DCAF6: variants seen among roughly 807,000 people sequenced by gnomAD.
The protein encoded by DCAF6 is DDB1 and CUL4 associated factor 6, also known as DDB1- and CUL4-associated factor 6.
In DCAF6, 54 loss-of-function variants were observed where a neutral mutation model predicts 125.1. That is an observed-to-expected ratio of 0.43 (90% CI 0.35 to 0.54). The LOEUF (loss-of-function observed/expected upper bound fraction) is 0.54, where lower values mean the gene tolerates loss of function less well. Among genes scored for constraint, DCAF6 ranks in the 20% least tolerant of loss-of-function variants. DCAF6 has a pLI of 0.01. For missense variants in DCAF6, 934 were observed against 1,161.7 expected (o/e 0.80, Z 2.85); for synonymous variants, 371 against 390.4 (o/e 0.95, Z 0.58).
At chr1:167,930,832 C>T (rs889485819), upstream of DCAF6, among the ~76,000 whole-genome samples, 1 of 152,216 alleles carries the variant, frequency 6.6e-6, no homozygotes, top group Non-Finnish European at 1.5e-5. Context: ...CTATTTATAG[C>T]TTAGGGCTTT....
At chr1:167,999,665 C>G (rs1326056516) in intron 7 of DCAF6, among the ~76,000 whole-genome samples, 1 of 152,158 alleles carries the variant, frequency 6.6e-6, no homozygotes, top group Non-Finnish European at 1.5e-5. Flanking sequence ...CATGAACCAA[C>G]CTCTGTTAGC....
intron 12 of DCAF6, among the ~76,000 whole-genome samples, chr1:168,034,109 A>G (rs552411445): frequency 6.6e-6 from 1 of 152,266 alleles, no homozygotes; most frequent in Admixed American, 6.5e-5. Flanking sequence ...AGGAGTAACA[A>G]CATCAACAAT....
At chr1:168,020,995 A>G (rs1475258421) in intron 11 of DCAF6, among the ~76,000 whole-genome samples, 1 of 152,182 alleles carries the variant, frequency 6.6e-6, no homozygotes, top group Non-Finnish European at 1.5e-5. Flanking sequence ...ATGGCAGAGT[A>G]AAACCAAAAA....
chr1:168,049,432 T>G (rs1689571886), intron 16 of DCAF6, among the ~76,000 whole-genome samples: 1 of 15,678 alleles, frequency 6.4e-5, no homozygotes, highest in Admixed American at 3.9e-4. Context: ...GTTGTTGTTG[T>G]TTTTTTTTTT....
intron 1 of DCAF6, among the ~76,000 whole-genome samples, chr1:167,950,994 T>A (rs1673839374): frequency 6.6e-6 from 1 of 152,212 alleles, no homozygotes; most frequent in Non-Finnish European, 1.5e-5. Flanking sequence ...CTGTTTGCCA[T>A]CCTATTTAAA....
intron 5 of DCAF6, among the ~76,000 whole-genome samples, chr1:167,988,411 C>T (rs1486475441): frequency 6.6e-6 from 1 of 152,122 alleles, no homozygotes; most frequent in Admixed American, 6.5e-5. Context: ...AAGTGATCCT[C>T]CCGACTTGGT....
chr1:168,022,893 T>A (rs998804765), intron 11 of DCAF6, 95 bp from the exon 12 acceptor site: 30 of 1,128,554 alleles, frequency 2.7e-5, no homozygotes, highest in Non-Finnish European at 7.9e-6. Flanking sequence ...TTCCGCAGCC[T>A]TATACATTTG....
At chr1:167,886,740 C>A in the DCAF6 span, among the ~76,000 whole-genome samples, 7 of 152,070 alleles carry the variant, frequency 4.6e-5, no homozygotes, top group Non-Finnish European at 8.8e-5. Context: ...CAAAAGAAAT[C>A]ATCAGAGTGA....
At chr1:167,870,160 G>A in the DCAF6 span, 9 of 1,349,908 alleles carry the variant, frequency 6.7e-6, no homozygotes, top group African/African-American at 1.1e-4. Context: ...GTAGGTTATA[G>A]ATAATTTACA....
At chr1:167,966,319 G>A (rs1446958224) in intron 2 of DCAF6, among the ~76,000 whole-genome samples, 1 of 152,126 alleles carries the variant, frequency 6.6e-6, no homozygotes, top group Non-Finnish European at 1.5e-5. Context: ...GCTGCATGAG[G>A]CCCAGGACAG....
chr1:168,039,679 T>TATTAATTATTCATA (rs1688259820), intron 13 of DCAF6, among the ~76,000 whole-genome samples: 1 of 147,490 alleles, frequency 6.8e-6, no homozygotes, highest in African/African-American at 2.5e-5. Flanking sequence ...TATATTAATA[T>TATTAATTATTCATA]ATTAATATAT....
the DCAF6 span, among the ~76,000 whole-genome samples, chr1:167,885,781 A>AT: frequency 6.6e-6 from 1 of 151,778 alleles, no homozygotes; most frequent in Admixed American, 6.6e-5. Context: ...CGCCCAGCTA[A>AT]TTTTTTGTAT....
intron 3 of DCAF6, among the ~76,000 whole-genome samples, chr1:167,972,014 C>T (rs1677397166): frequency 6.6e-6 from 1 of 152,102 alleles, no homozygotes; most frequent in Admixed American, 6.6e-5. Flanking sequence ...CGCCACCATA[C>T]CCGGCTAATT....
At chr1:167,995,340 G>T (rs1046490297) in intron 7 of DCAF6, among the ~76,000 whole-genome samples, 5 of 152,000 alleles carry the variant, frequency 3.3e-5, no homozygotes, top group Non-Finnish European at 7.4e-5. Flanking sequence ...GGTCTTGTTT[G>T]TTGCATTAAC....
At chr1:167,937,105 G>T in intron 1 of DCAF6, 97 bp downstream of exon 1, 1 of 1,060,868 alleles carries the variant, frequency 9.4e-7, no homozygotes, top group Non-Finnish European at 1.4e-6. Flanking sequence ...CGGCGTCTCG[G>T]TGGGGGCGCC....
chr1:168,027,911 C>CT (rs1355194329), intron 12 of DCAF6, among the ~76,000 whole-genome samples: 2 of 152,058 alleles, frequency 1.3e-5, no homozygotes, highest in East Asian at 3.8e-4. Context: ...AATAGTTTTA[C>CT]TTTTTTTAAG....
At chr1:167,890,556 C>T in the DCAF6 span, among the ~76,000 whole-genome samples, 2 of 152,124 alleles carry the variant, frequency 1.3e-5, no homozygotes, top group African/African-American at 2.4e-5. Flanking sequence ...GTGACTACTA[C>T]CAGGCTACCA....
At chr1:167,945,655 C>A (rs567891538) in intron 1 of DCAF6, among the ~76,000 whole-genome samples, 1 of 152,138 alleles carries the variant, frequency 6.6e-6, no homozygotes, top group East Asian at 1.9e-4. Flanking sequence ...CTATGCCCAG[C>A]TAATTTTTGT....
chr1:167,925,442 C>CGTGTAT, the DCAF6 span, among the ~76,000 whole-genome samples: 196 of 82,388 alleles, frequency 2.4e-3, 2 homozygotes, highest in African/African-American at 9.6e-3. Context: ...TACATATACA[C>CGTGTAT]ATATATATAT....
Sources: gnomAD v4.1 joint callset for allele counts (sites outside exome capture counted in the v4.1 genomes callset) on GRCh38, gnomAD v4.1.1 for gene constraint, MANE v1.5 for transcripts, NCBI Gene and HGNC (gene_info 2026-07-23, HGNC 2026-07-21) for gene names.